Variants in FRMPD4 observed in about 807,000 individuals in gnomAD.
The protein encoded by FRMPD4 is FERM and PDZ domain-containing protein 4.
Under a neutral mutation model 94.1 loss-of-function variants are expected in FRMPD4, and 22 were observed. That is an observed-to-expected ratio of 0.23 (90% CI 0.17 to 0.33). The LOEUF (loss-of-function observed/expected upper bound fraction) is 0.33. Ranked by LOEUF, FRMPD4 falls within the 10% of genes least tolerant of loss-of-function variation. The probability of loss-of-function intolerance (pLI) is 1.00; values close to 1 mark genes in which losing one functional copy is unlikely to be tolerated. For missense variants in FRMPD4, 1,111 were observed against 1,339.9 expected, an observed-to-expected ratio of 0.83 and a Z score of 2.67; for synonymous variants, 631 against 548.6, an observed-to-expected ratio of 1.15 and a Z score of -2.10.
chrX:12,665,126 C>G (rs962922704), intron 4 of FRMPD4, among the ~76,000 whole-genome samples: 31 of 110,597 alleles, frequency 2.8e-4, no homozygotes, highest in Middle Eastern at 4.6e-3. Context: ...AGCAGTCTGT[C>G]TATTTTGTTA....
intron 1 of FRMPD4, among the ~76,000 whole-genome samples, chrX:11,863,725 A>T (rs2147299676): frequency 8.9e-6 from 1 of 112,181 alleles, no homozygotes; most frequent in African/African-American, 3.2e-5. Flanking sequence ...AGTGCTTCTG[A>T]GGTAAAAAGA....
intron 3 of FRMPD4, among the ~76,000 whole-genome samples, chrX:11,922,914 G>C (rs2054066110): frequency 8.9e-6 from 1 of 112,805 alleles, no homozygotes; most frequent in African/African-American, 3.2e-5. Context: ...AGCACCCCTT[G>C]GTCTGCTGGC....
rs983512326 is a variant in FRMPD4 at position 12,276,935 on chromosome X, A to C, written c.41+137923A>C. On this transcript the variant is annotated intron_variant, in intron 1 of 16. Coordinates refer to ENST00000675598, the MANE Select transcript of FRMPD4 (RefSeq NM_001368397.1). ...AGGAGATCGAGACCATCCCGGCTAA[A>C]ATGGTGAAACCCCGTCTCTACTAAA... Among the ~76,000 whole-genome samples the C allele has an allele frequency of 3.7e-5, 4 of 109,089 alleles. No homozygotes were observed. The East Asian group carries it at 1.2e-3, about 31-fold the overall frequency. The allele number at this position is 109,089 out of a possible 115,157, so 94.7% of individuals were successfully genotyped here.
chrX:12,652,742 T>A (rs758590238), intron 4 of FRMPD4, among the ~76,000 whole-genome samples: 12 of 112,189 alleles, frequency 1.1e-4, no homozygotes, highest in Non-Finnish European at 2.3e-4. Flanking sequence ...TAGTTTCAAA[T>A]CTATTTCGTA....
rs749153263 is a variant in FRMPD4, at chrX:12,115,911, G to A, written c.95+237893G>A. 3.1e-3 allele frequency among the ~76,000 whole-genome samples: 347 copies of A among 111,695 alleles called. 1 individual carries two copies. The highest frequency in any genetic ancestry group is 0.011 in the African/African-American group (329 of 30,724). On this transcript the variant is annotated intron_variant, in intron 3 of 18. Coordinates refer to the FRMPD4 transcript ENST00000640291. The stretch of plus-strand genomic sequence containing the variant: ...AAGCTGTGCCTCTCCATGTAGTCGC[G>A]GAAACATTTTTGAGTCTTGATTTAT...
intron 2 of FRMPD4, among the ~76,000 whole-genome samples, chrX:11,869,593 G>GAAAAT (rs1164530793): frequency 9.0e-6 from 1 of 111,358 alleles, no homozygotes; most frequent in African/African-American, 3.3e-5. Flanking sequence ...TTTGTCCATT[G>GAAAAT]AAAATAATAG....
chrX:12,646,623 C>T (rs1339364946), intron 4 of FRMPD4, among the ~76,000 whole-genome samples: 1 of 111,588 alleles, frequency 9.0e-6, no homozygotes, highest in Non-Finnish European at 1.9e-5. Flanking sequence ...GAACTATGTA[C>T]CTATCGTTCC....
intron 3 of FRMPD4, among the ~76,000 whole-genome samples, chrX:11,881,538 A>G (rs767960249): frequency 1.5e-4 from 17 of 112,673 alleles, no homozygotes; most frequent in African/African-American, 4.5e-4. Context: ...GAGTGAAGCC[A>G]GTTTCAAAAG....
chrX:12,276,349 T>C (rs2054435409), intron 1 of FRMPD4, among the ~76,000 whole-genome samples: 1 of 112,317 alleles, frequency 8.9e-6, no homozygotes, highest in African/African-American at 3.2e-5. Context: ...AACTTGGTTT[T>C]ATACATTTTG....
intron 1 of FRMPD4, among the ~76,000 whole-genome samples, chrX:12,339,773 T>C (rs1279566849): frequency 9.0e-6 from 1 of 111,119 alleles, no homozygotes; most frequent in African/African-American, 3.3e-5. Context: ...CATGCCACCA[T>C]GCCTGGCTAA....
intron 1 of FRMPD4, among the ~76,000 whole-genome samples, chrX:12,181,813 T>A (rs928948474): frequency 8.9e-6 from 1 of 111,944 alleles, no homozygotes; most frequent in African/African-American, 3.2e-5. Flanking sequence ...AAGCTAGCTC[T>A]GTCTTCAGGT....
At chrX:12,624,655 G>A (rs1306618666) in intron 4 of FRMPD4, among the ~76,000 whole-genome samples, 1 of 111,794 alleles carries the variant, frequency 8.9e-6, no homozygotes, top group East Asian at 2.8e-4. Context: ...AATAATAATA[G>A]TCAAACAATA....
chrX:11,869,556 G>T (rs941345501), intron 2 of FRMPD4, among the ~76,000 whole-genome samples: 1 of 111,600 alleles, frequency 9.0e-6, no homozygotes, highest in Non-Finnish European at 1.9e-5. Context: ...ACATCATATT[G>T]TACCCCTTAA....
intron 1 of FRMPD4, among the ~76,000 whole-genome samples, chrX:12,479,438 A>G (rs1569293615): frequency 3.9e-5 from 4 of 101,652 alleles, no homozygotes; most frequent in African/African-American, 1.5e-4. Context: ...ATATATACAC[A>G]CATATATGTA....
chrX:11,917,493 G>A (rs1228090774), intron 3 of FRMPD4, among the ~76,000 whole-genome samples: 1 of 111,809 alleles, frequency 8.9e-6, no homozygotes, highest in Non-Finnish European at 1.9e-5. Flanking sequence ...ATCAACCTAG[G>A]TGCCCATCAA....
chrX:12,545,631 G>T (rs719919), intron 2 of FRMPD4, among the ~76,000 whole-genome samples: 3,657 of 112,832 alleles, frequency 0.032, 141 homozygotes, highest in African/African-American at 0.11. Flanking sequence ...GGGATGGGCT[G>T]TGTGTGCTAT....
chrX:12,554,674 C>T (rs893931972), intron 2 of FRMPD4, among the ~76,000 whole-genome samples: 4 of 111,567 alleles, frequency 3.6e-5, no homozygotes, highest in Admixed American at 9.5e-5. Context: ...TACAGTGGCA[C>T]GATCAATAAC....
chrX:12,173,884 G>A (rs1026697494), intron 1 of FRMPD4, among the ~76,000 whole-genome samples: 7 of 111,051 alleles, frequency 6.3e-5, no homozygotes, highest in African/African-American at 2.0e-4. Context: ...GGATGGCCCC[G>A]GAAGATAGCT....
intron 2 of FRMPD4, among the ~76,000 whole-genome samples, chrX:12,501,647 G>A (rs1176190390): frequency 9.0e-6 from 1 of 111,171 alleles, no homozygotes; most frequent in African/African-American, 3.3e-5. Flanking sequence ...TTTTTTGAAA[G>A]AGAAATTTAG....
Sources: gnomAD v4.1 joint callset for allele counts (sites outside exome capture counted in the v4.1 genomes callset) on GRCh38, gnomAD v4.1.1 for gene constraint, MANE v1.5 for transcripts, NCBI Gene and HGNC (gene_info 2026-07-23, HGNC 2026-07-21) for gene names.